DOCK1: variants seen among roughly 807,000 people sequenced by gnomAD.
DOCK1 encodes dedicator of cytokinesis protein 1.
In DOCK1, 138 loss-of-function variants were observed where a neutral mutation model predicts 262.7. The observed-to-expected ratio is 0.53, with a 90% CI of 0.46 to 0.61. The LOEUF is 0.61. Among genes scored for constraint, DOCK1 ranks in the 20% least tolerant of loss-of-function variants. The pLI, the probability that DOCK1 is intolerant of heterozygous loss-of-function variation, is 0.00. For missense variants in DOCK1, 1,908 were observed against 2,370.7 expected, an observed-to-expected ratio of 0.80 and a Z score of 4.05; for synonymous variants, 866 against 867.4, an observed-to-expected ratio of 1.00 and a Z score of 0.03.
chr10:127,124,431 G>T (rs1452605236), intron 25 of DOCK1, among the ~76,000 whole-genome samples: 2 of 152,190 alleles, frequency 1.3e-5, no homozygotes, highest in Non-Finnish European at 2.9e-5. Flanking sequence ...GTCCATGCTG[G>T]AGAGTGGATG....
chr10:127,275,720 G>GA (rs2060716587), intron 29 of DOCK1, among the ~76,000 whole-genome samples: 1 of 151,808 alleles, frequency 6.6e-6, no homozygotes, highest in Non-Finnish European at 1.5e-5. Context: ...GTTGCAACAG[G>GA]AGAGGACAGA....
At chr10:127,345,993 C>T (rs1479008870) in intron 31 of DOCK1, among the ~76,000 whole-genome samples, 1 of 152,222 alleles carries the variant, frequency 6.6e-6, no homozygotes, top group African/African-American at 2.4e-5. Context: ...TGCGGACACA[C>T]CTCCTTCAGC....
At chr10:127,208,844 A>G (rs2134307886) in intron 27 of DOCK1, among the ~76,000 whole-genome samples, 1 of 152,302 alleles carries the variant, frequency 6.6e-6, no homozygotes, top group South Asian at 2.1e-4. Flanking sequence ...GACCTAGGAT[A>G]AAGTTCTAAT....
chr10:127,406,921 A>G (rs1039617268), intron 40 of DOCK1, among the ~76,000 whole-genome samples: 3 of 152,172 alleles, frequency 2.0e-5, no homozygotes, highest in African/African-American at 7.2e-5. Flanking sequence ...GTTATCCATT[A>G]AATCTTACTG....
chr10:127,375,523 C>G (rs1683145722), intron 35 of DOCK1, among the ~76,000 whole-genome samples: 1 of 152,180 alleles, frequency 6.6e-6, no homozygotes, highest in African/African-American at 2.4e-5. Flanking sequence ...ACTTTCATGC[C>G]AGGAGGAACA....
At chr10:127,152,491 C>G (rs2052601478) in intron 27 of DOCK1, among the ~76,000 whole-genome samples, 1 of 152,188 alleles carries the variant, frequency 6.6e-6, no homozygotes. Flanking sequence ...TTCCTGCTGC[C>G]AGGAGGCCTT....
At chr10:126,967,395 A>T (rs908330409) in intron 1 of DOCK1, among the ~76,000 whole-genome samples, 3,672 of 152,266 alleles carry the variant, frequency 0.024, 162 homozygotes, top group African/African-American at 0.085. Flanking sequence ...ATTGGGAACC[A>T]CAGCCCTGGA....
intron 27 of DOCK1, among the ~76,000 whole-genome samples, chr10:127,143,551 A>T (rs2051480044): frequency 6.6e-6 from 1 of 152,182 alleles, no homozygotes. Flanking sequence ...CAGGTGCACC[A>T]GGATGTGGGC....
At chr10:126,907,574 C>G (rs2031090184) in intron 1 of DOCK1, among the ~76,000 whole-genome samples, 1 of 152,120 alleles carries the variant, frequency 6.6e-6, no homozygotes. Context: ...ATGGGGAGGG[C>G]TTCTCTTTGG....
intron 27 of DOCK1, among the ~76,000 whole-genome samples, chr10:127,167,977 CAT>C (rs1177570095): frequency 6.6e-6 from 1 of 152,220 alleles, no homozygotes; most frequent in Non-Finnish European, 1.5e-5. Context: ...TGAGTGCAAA[CAT>C]AGCCTGAGGA....
At chr10:127,147,711 A>G (rs1170664480) in intron 27 of DOCK1, among the ~76,000 whole-genome samples, 1 of 152,028 alleles carries the variant, frequency 6.6e-6, no homozygotes, top group Non-Finnish European at 1.5e-5. Flanking sequence ...GGGCTAAGGC[A>G]TTTTTATCAA....
intron 29 of DOCK1, among the ~76,000 whole-genome samples, chr10:127,326,215 A>G (rs2062743072): frequency 6.6e-6 from 1 of 152,224 alleles, no homozygotes; most frequent in African/African-American, 2.4e-5. Flanking sequence ...AATTTGCCAC[A>G]TCATTTGATG....
intron 31 of DOCK1, among the ~76,000 whole-genome samples, chr10:127,348,049 A>G (rs1265269761): frequency 2.6e-5 from 4 of 151,334 alleles, no homozygotes; most frequent in African/African-American, 7.3e-5. Flanking sequence ...TTCTAAAGAC[A>G]TTCCCCAAAG....
At chr10:127,411,553 T>G (rs1308100993) in intron 43 of DOCK1, among the ~76,000 whole-genome samples, 1 of 152,092 alleles carries the variant, frequency 6.6e-6, no homozygotes, top group Non-Finnish European at 1.5e-5. Flanking sequence ...ATCAAAAAGA[T>G]TTCCAGGCCA....
chr10:127,418,221 T>A, intron 44 of DOCK1, 144 bp from the exon 45 acceptor site: 1 of 871,386 alleles, frequency 1.1e-6, no homozygotes, highest in Non-Finnish European at 1.7e-6. Flanking sequence ...AATAATAAAA[T>A]GCCCAGCCAC....
At chr10:127,259,129 T>C (rs1590159684) in intron 29 of DOCK1, among the ~76,000 whole-genome samples, 1 of 152,196 alleles carries the variant, frequency 6.6e-6, no homozygotes, top group African/African-American at 2.4e-5. Context: ...TGAGAGTAGA[T>C]GGTGAGGAAG....
chr10:126,905,779 G>A (rs2030640480), intron 1 of DOCK1, among the ~76,000 whole-genome samples: 1 of 150,802 alleles, frequency 6.6e-6, no homozygotes, highest in Admixed American at 6.6e-5. Context: ...GATGCGGGTC[G>A]GGAACACGAG....
rs372661482 is a variant in DOCK1, at chr10:127,447,407, C to T, written c.5427C>T (p.Asn1809=). ...CCGGTTTTCCAGGCTTGGAGCTGAA[C>T]GGCATGACGGGGGCGGACGTGGCCG... ...SFSMQSSLEL[N]GMTGADVADV... Residue 1809 remains asparagine (N), a synonymous_variant, in exon 51 of 52, where the codon AAC becomes AAT. Transcript: ENST00000623213. The T allele has an allele frequency of 7.3e-5, 117 of 1,612,496 alleles. No individual in the cohort carries two copies. The highest frequency in any genetic ancestry group is 8.9e-5 in the East Asian group (4 of 44,844).
At chr10:127,153,471 G>A (rs1290091895) in intron 27 of DOCK1, among the ~76,000 whole-genome samples, 1 of 152,162 alleles carries the variant, frequency 6.6e-6, no homozygotes, top group Non-Finnish European at 1.5e-5. Flanking sequence ...GTCTTTCCAT[G>A]GTATTCCTAG....
Sources: allele counts gnomAD v4.1 joint callset (sites outside exome capture counted in the v4.1 genomes callset), GRCh38; gene constraint gnomAD v4.1.1; transcripts MANE v1.5; gene names NCBI Gene and HGNC (gene_info 2026-07-23, HGNC 2026-07-21).